PLCE1: variants seen among roughly 807,000 people sequenced by gnomAD.
PLCE1 encodes phospholipase C epsilon 1.
In PLCE1, 119 loss-of-function variants were observed where a neutral mutation model predicts 242.8. The observed-to-expected ratio is 0.49, with a 90% CI of 0.42 to 0.57. PLCE1 has a LOEUF of 0.57. Ranked by LOEUF, PLCE1 falls within the 20% of genes least tolerant of loss-of-function variation. The pLI is 0.00. For missense variants in PLCE1, 2,441 were observed against 2,788.8 expected, an observed-to-expected ratio of 0.88 and a Z score of 2.81; for synonymous variants, 945 against 1,017.4, an observed-to-expected ratio of 0.93 and a Z score of 1.35.
intron 4 of PLCE1, among the ~76,000 whole-genome samples, chr10:94,200,050 T>C (rs969955457): frequency 1.2e-4 from 19 of 152,204 alleles, no homozygotes; most frequent in Admixed American, 5.2e-4. Flanking sequence ...AACATCAGAA[T>C]GGACTAATTC....
chr10:94,137,400 G>A (rs1423288311), intron 3 of PLCE1, among the ~76,000 whole-genome samples: 1 of 152,230 alleles, frequency 6.6e-6, no homozygotes, highest in Non-Finnish European at 1.5e-5. Flanking sequence ...ACAAGATAAA[G>A]TTAAAAGGGA....
Position 94,298,485 on chromosome 10 carries a change from G to C in PLCE1, c.5274G>C (p.Ser1758=). Reference sequence around the variant, plus strand: ...GAACTCCCAAATGTTATCATATCTCGTCGCTGAATGAAAATGCCGCCAAAC... The same window carrying C: ...GAACTCCCAAATGTTATCATATCTCCTCGCTGAATGAAAATGCCGCCAAAC... ...IIRTPKCYHI[S]SLNENAAKRL... The change falls in exon 24 of 33, where the codon TCG becomes TCC. Residue 1758 remains serine (S), a synonymous_variant. Transcript: ENST00000371380. This position sits in a 1 kb window ranked among gnomAD's most constrained non-coding sequence, Gnocchi z 5.2. 6.2e-7 allele frequency: 1 copy of C among 1,613,992 alleles called. No homozygotes were observed. Among genetic ancestry groups the C allele is most frequent in the South Asian group, 1.1e-5 (1 of 91,066 alleles).
intron 4 of PLCE1, among the ~76,000 whole-genome samples, chr10:94,171,880 A>C (rs1355321178): frequency 6.6e-6 from 1 of 151,982 alleles, no homozygotes; most frequent in Non-Finnish European, 1.5e-5. Flanking sequence ...CCCTGACCAC[A>C]TTCGTATAAC....
chr10:94,215,514 C>T (rs867542849), intron 4 of PLCE1, among the ~76,000 whole-genome samples: 19 of 152,014 alleles, frequency 1.2e-4, no homozygotes, highest in Admixed American at 1.1e-3. Flanking sequence ...GGCTCAGGGA[C>T]GGCCTCCTGG....
chr10:94,049,407 C>CTGGAATA, intron 2 of PLCE1, among the ~76,000 whole-genome samples: 1 of 152,176 alleles, frequency 6.6e-6, no homozygotes, highest in Non-Finnish European at 1.5e-5. Flanking sequence ...CAGCTCTAAT[C>CTGGAATA]TGACATGTCA....
At chr10:94,144,539 A>G (rs1326488970) in intron 3 of PLCE1, among the ~76,000 whole-genome samples, 3 of 152,194 alleles carry the variant, frequency 2.0e-5, no homozygotes, top group African/African-American at 7.2e-5. Context: ...CATGTTCATA[A>G]CACAGTCAAT....
intron 9 of PLCE1, among the ~76,000 whole-genome samples, chr10:94,252,976 A>G (rs1211812979): frequency 6.6e-6 from 1 of 152,152 alleles, no homozygotes; most frequent in Non-Finnish European, 1.5e-5. Context: ...GAGCATGAGC[A>G]CTCTGTGGGC....
At chr10:94,173,575 G>T (rs528871778) in intron 4 of PLCE1, among the ~76,000 whole-genome samples, 1 of 152,190 alleles carries the variant, frequency 6.6e-6, no homozygotes, top group Admixed American at 6.5e-5. Context: ...AAAGTGAATT[G>T]CCAAAACTTT....
chr10:94,168,882 G>A lies in PLCE1; in HGVS notation c.1493-2298G>A, dbSNP rs371206156. On this transcript the variant is annotated intron_variant, in intron 3 of 32. Transcript: ENST00000371380. Reference sequence around the variant, plus strand: ...TATCAGTATCTAGAAATTTCGGTTGGCCTCTTTCATCAAGCCACATTCTGA... The same window carrying A: ...TATCAGTATCTAGAAATTTCGGTTGACCTCTTTCATCAAGCCACATTCTGA... Among the ~76,000 whole-genome samples, 136 of 152,176 alleles carry A rather than the reference G, an allele frequency of 8.9e-4. 1 individual carries two copies. The highest frequency in any genetic ancestry group is 3.2e-3 in the African/African-American group (132 of 41,522).
intron 4 of PLCE1, among the ~76,000 whole-genome samples, chr10:94,208,634 A>G (rs1375161661): frequency 1.3e-5 from 2 of 152,194 alleles, no homozygotes; most frequent in African/African-American, 4.8e-5. Flanking sequence ...GTGATTCCCA[A>G]ACACAAGGCT....
intron 4 of PLCE1, among the ~76,000 whole-genome samples, chr10:94,196,972 A>G (rs553019930): frequency 6.6e-5 from 10 of 152,120 alleles, no homozygotes; most frequent in Non-Finnish European, 1.2e-4. Context: ...GAAACCACAT[A>G]CCCACTAGCA....
intron 2 of PLCE1, among the ~76,000 whole-genome samples, chr10:94,087,615 G>A (rs1301520963): frequency 6.6e-6 from 1 of 152,016 alleles, no homozygotes; most frequent in East Asian, 2.0e-4. Flanking sequence ...TTTAATGTTT[G>A]TAGAGGTGGT....
chr10:94,160,825 G>A (rs2047587889), intron 3 of PLCE1, among the ~76,000 whole-genome samples: 1 of 152,164 alleles, frequency 6.6e-6, no homozygotes, highest in Non-Finnish European at 1.5e-5. Flanking sequence ...TTCTCCATAT[G>A]GGTAGCCAGT....
chr10:94,130,651 T>C (rs1377457941), intron 2 of PLCE1, among the ~76,000 whole-genome samples: 1 of 152,216 alleles, frequency 6.6e-6, no homozygotes, highest in Non-Finnish European at 1.5e-5. Flanking sequence ...ATGGCCATGC[T>C]GGCCACTAGA....
At chr10:94,211,413 G>T (rs1275467156) in intron 4 of PLCE1, among the ~76,000 whole-genome samples, 2 of 152,116 alleles carry the variant, frequency 1.3e-5, no homozygotes, top group Non-Finnish European at 2.9e-5. Context: ...TCACTAACTG[G>T]GTGACCTTTG....
intron 3 of PLCE1, among the ~76,000 whole-genome samples, chr10:94,157,602 C>CT (rs925504585): frequency 2.3e-4 from 35 of 152,330 alleles, no homozygotes; most frequent in African/African-American, 8.2e-4. Flanking sequence ...GTCAAGGTCC[C>CT]TGAGTTCTGG....
intron 2 of PLCE1, among the ~76,000 whole-genome samples, chr10:94,103,515 A>G (rs2045615792): frequency 1.3e-5 from 2 of 152,172 alleles, no homozygotes; most frequent in South Asian, 4.1e-4. Context: ...CTTCTTTTAG[A>G]TTAACATCAG....
At chr10:94,210,210 A>G (rs1444359341) in intron 4 of PLCE1, among the ~76,000 whole-genome samples, 2 of 149,716 alleles carry the variant, frequency 1.3e-5, no homozygotes, top group Non-Finnish European at 3.0e-5. Context: ...TTCAGTTTCT[A>G]TCATCTATGC....
intron 2 of PLCE1, among the ~76,000 whole-genome samples, chr10:94,112,608 C>T (rs547011529): frequency 3.3e-5 from 5 of 152,274 alleles, no homozygotes; most frequent in South Asian, 2.1e-4. Context: ...ACTGGGGAAA[C>T]TTTAAAAGAT....
Sources: allele counts gnomAD v4.1 joint callset (sites outside exome capture counted in the v4.1 genomes callset), GRCh38; gene constraint gnomAD v4.1.1; non-coding constraint Gnocchi (gnomAD v3.1); transcripts MANE v1.5; gene names NCBI Gene and HGNC (gene_info 2026-07-23, HGNC 2026-07-21).